Variants in RALY observed in about 807,000 individuals in gnomAD.
RALY encodes the protein RALY heterogeneous nuclear ribonucleoprotein.
Under a neutral mutation model 30.7 loss-of-function variants are expected in RALY, and 15 were observed. The observed-to-expected ratio is 0.49, with a 90% confidence interval of 0.33 to 0.75. The LOEUF is 0.75. RALY is among the 30% of genes least tolerant of loss of function. The pLI, the probability that RALY is intolerant of heterozygous loss-of-function variation, is 0.02. For synonymous variants in RALY, 177 were observed against 170.8 expected, an observed-to-expected ratio of 1.04 and a Z score of -0.28; for missense variants, 339 against 414.3, an observed-to-expected ratio of 0.82 and a Z score of 1.58.
chr20:34,073,999 G>A, intron 5 of RALY, 133 bp downstream of exon 5: 1 of 947,838 alleles, frequency 1.1e-6, no homozygotes, highest in Non-Finnish European at 1.6e-6. Context: ...TGCTCCACCA[G>A]TCGGTAGCAG....
In RALY at chr20:34,062,405, C is replaced by G. The variant is rs547084558; in HGVS notation, c.-9-9661C>G. On this transcript the variant is annotated intron_variant, in intron 2 of 9. Transcript: ENST00000246194. Reference sequence around the variant, plus strand: ...AAGCAGTCTTGATCCTGCATACTTTCAGACAGCCCACATGATACCTATGTT... The same window carrying G: ...AAGCAGTCTTGATCCTGCATACTTTGAGACAGCCCACATGATACCTATGTT... 5.3e-5 allele frequency among the ~76,000 whole-genome samples: 8 copies of G among 152,362 alleles called. No homozygotes were observed. The South Asian group carries it at 1.2e-3, about 24-fold the overall frequency.
At chr20:34,035,514 A>G (rs2032461880) in intron 2 of RALY, among the ~76,000 whole-genome samples, 1 of 152,034 alleles carries the variant, frequency 6.6e-6, no homozygotes, top group South Asian at 2.1e-4. Flanking sequence ...ATCTGGCTTC[A>G]GAAAACCAAG....
At chr20:34,035,608 A>G (rs2032466650) in intron 2 of RALY, among the ~76,000 whole-genome samples, 1 of 151,588 alleles carries the variant, frequency 6.6e-6, no homozygotes, top group South Asian at 2.1e-4. Context: ...GTAGTCCCCC[A>G]CTCCTCCTTT....
chr20:34,079,490 G>T (rs2033985348), intron 9 of RALY, among the ~76,000 whole-genome samples: 2 of 152,182 alleles, frequency 1.3e-5, no homozygotes, highest in Non-Finnish European at 1.5e-5. Flanking sequence ...GAGGTGTCTG[G>T]ATAGATGACA....
At chr20:34,026,058 T>C (rs2032021829) in intron 1 of RALY, among the ~76,000 whole-genome samples, 1 of 152,024 alleles carries the variant, frequency 6.6e-6, no homozygotes, top group Non-Finnish European at 1.5e-5. Context: ...CCTGGAGTAA[T>C]GCTGGTAGAG....
intron 2 of RALY, among the ~76,000 whole-genome samples, chr20:34,066,934 A>G (rs186257549): frequency 4.6e-5 from 7 of 152,268 alleles, no homozygotes; most frequent in Non-Finnish European, 8.8e-5. Context: ...GACCAAGGAG[A>G]GCGTGTGTGG....
At chr20:33,995,772 T>C (rs764701557) in intron 1 of RALY, among the ~76,000 whole-genome samples, 1 of 152,206 alleles carries the variant, frequency 6.6e-6, no homozygotes, top group African/African-American at 2.4e-5. Flanking sequence ...AAAGGGGAAG[T>C]AAGTTGTCTG....
rs140305850 is a variant in RALY, at chr20:34,045,581, C to T, written c.-10+13977C>T. ...CAGGATCACACAGCAAGTTATGAGC[C>T]AGGCCAGGATTGGGAACGTTCTGGT... On this transcript the variant is annotated intron_variant, in intron 2 of 9. Coordinates refer to ENST00000246194, the MANE Select transcript of RALY (RefSeq NM_016732.3). Among the ~76,000 whole-genome samples the T allele has an allele frequency of 1.2e-3, 181 of 152,324 alleles. 1 individual carries two copies. Among genetic ancestry groups the T allele is most frequent in the African/African-American group, 4.2e-3 (173 of 41,580 alleles).
chr20:34,048,419 A>G (rs1005650797), intron 2 of RALY, among the ~76,000 whole-genome samples: 4 of 152,252 alleles, frequency 2.6e-5, no homozygotes, highest in Admixed American at 2.6e-4. Context: ...GCTTTTAACA[A>G]TGGAGGGACC....
intron 1 of RALY, among the ~76,000 whole-genome samples, chr20:34,014,751 A>G (rs1482058602): frequency 6.6e-6 from 1 of 152,238 alleles, no homozygotes; most frequent in Non-Finnish European, 1.5e-5. Flanking sequence ...AAATACATTT[A>G]GTAATGTCCC....
In RALY at chr20:34,031,331, G is replaced by A. The variant is rs554619810; in HGVS notation, c.-92-191G>A. Among the ~76,000 whole-genome samples the A allele has an allele frequency of 1.8e-4, 27 of 151,698 alleles. No individual in the cohort carries two copies. In the South Asian group the frequency reaches 5.2e-3, roughly 29 times the overall value. Reference sequence around the variant, plus strand: ...CCCCCTCGGCCTCCCAAAGTGCTGAGATTACAGGCATGAGCCACCGCGCCA... The same window carrying A: ...CCCCCTCGGCCTCCCAAAGTGCTGAAATTACAGGCATGAGCCACCGCGCCA... On this transcript the variant is annotated intron_variant, in intron 1 of 9. Coordinates refer to ENST00000246194, the MANE Select transcript of RALY (RefSeq NM_016732.3).
At chr20:34,035,169 A>AC (rs2032440312) in intron 2 of RALY, among the ~76,000 whole-genome samples, 17 of 120,064 alleles carry the variant, frequency 1.4e-4, no homozygotes, top group Non-Finnish European at 1.2e-4. Context: ...AAAAAAAAAA[A>AC]AAAAAAAAAA....
intron 1 of RALY, among the ~76,000 whole-genome samples, chr20:33,996,017 C>T (rs7274021): frequency 0.091 from 13,864 of 152,216 alleles, 2,094 homozygotes; most frequent in African/African-American, 0.31. Flanking sequence ...GGTTTAAGCA[C>T]AGGTGTACTA....
At chr20:34,070,850 T>C (rs2033706489) in intron 2 of RALY, among the ~76,000 whole-genome samples, 1 of 152,206 alleles carries the variant, frequency 6.6e-6, no homozygotes, top group African/African-American at 2.4e-5. Flanking sequence ...AAGAAATACC[T>C]GAGACTGGGT....
intron 2 of RALY, among the ~76,000 whole-genome samples, chr20:34,057,314 A>G (rs1480786910): frequency 6.6e-6 from 1 of 152,224 alleles, no homozygotes; most frequent in Non-Finnish European, 1.5e-5. Context: ...AATTTCATAT[A>G]ATAAACATAC....
intron 5 of RALY, among the ~76,000 whole-genome samples, chr20:34,074,539 G>T (rs377477490): frequency 6.6e-6 from 1 of 152,132 alleles, no homozygotes; most frequent in Non-Finnish European, 1.5e-5. Context: ...AGCATGAGTC[G>T]TCCGCCCCCA....
At chr20:34,073,894 A>G (rs776562199) in intron 5 of RALY, 28 bp downstream of exon 5, 1 of 1,607,846 alleles carries the variant, frequency 6.2e-7, no homozygotes. Context: ...GTGCCCAGGC[A>G]TGAAACAGCC....
At position 34,084,024 on chromosome 20, in the gene RALY, G is replaced by A. The variant is rs2034067735; in HGVS notation, c.*4119G>A. 6.6e-6 allele frequency: 1 copy of A among 152,212 alleles called. No individual in the cohort carries two copies. Among genetic ancestry groups the A allele is most frequent in the African/African-American group, 2.4e-5 (1 of 41,460 alleles). The allele number at this position is 152,212 out of a possible 1,614,324, so 9.4% of individuals were successfully genotyped here. On this transcript the variant is annotated 3_prime_UTR_variant, in exon 10 of 10. Transcript: ENST00000246194. ...TACTTAATCTCCACAACCACCCTCA[G>A]TAGGTGTAGTAAGGACTTCTGGTTA... is the stretch of plus-strand genomic sequence containing the variant.
Position 34,009,394 on chromosome 20 carries a change from A to G in RALY, c.-93+15263A>G, listed in dbSNP as rs538210260. Among the ~76,000 whole-genome samples the G allele has an allele frequency of 4.2e-4, 64 of 152,138 alleles. No individual in the cohort carries two copies. In the South Asian group the frequency reaches 0.013, roughly 30 times the overall value. The stretch of plus-strand genomic sequence containing the variant: ...GCTGGGACTACAGGTGCGCGCCACC[A>G]TGCCTGGCTAATTTTGTATTTTTAG... On this transcript the variant is annotated intron_variant, in intron 1 of 9. Transcript: ENST00000246194.
Sources: gnomAD v4.1 joint callset for allele counts (sites outside exome capture counted in the v4.1 genomes callset) on GRCh38, gnomAD v4.1.1 for gene constraint, MANE v1.5 for transcripts, NCBI Gene and HGNC (gene_info 2026-07-23, HGNC 2026-07-21) for gene names.